DLGAP2: variants seen among roughly 807,000 people sequenced by gnomAD.
The protein encoded by DLGAP2 is disks large-associated protein 2.
DLGAP2 carries 26 observed loss-of-function variants against 100.3 expected under a neutral mutation model. The ratio of observed to expected loss-of-function variants is 0.26; its 90% CI spans 0.19 to 0.36. The LOEUF (loss-of-function observed/expected upper bound fraction) is 0.36. Ranked by LOEUF, DLGAP2 falls within the 10% of genes least tolerant of loss-of-function variation. The pLI, the probability that DLGAP2 is intolerant of heterozygous loss-of-function variation, is 1.00. For missense variants in DLGAP2, 1,858 were observed against 1,453.2 expected (o/e 1.28, Z -4.53); for synonymous variants, 886 against 630.1 (o/e 1.41, Z -6.08).
At chr8:1,538,241 C>T (rs1395245055) in intron 4 of DLGAP2, among the ~76,000 whole-genome samples, 1 of 152,154 alleles carries the variant, frequency 6.6e-6, no homozygotes, top group Non-Finnish European at 1.5e-5. Flanking sequence ...TATCTGCATC[C>T]ACCCAAATAC....
intron 1 of DLGAP2, among the ~76,000 whole-genome samples, chr8:858,868 C>T (rs941876383): frequency 2.6e-5 from 4 of 152,126 alleles, no homozygotes; most frequent in Admixed American, 2.6e-4. Flanking sequence ...GAGTAGCCCT[C>T]GTGTAATCAG....
intron 8 of DLGAP2, among the ~76,000 whole-genome samples, chr8:1,639,235 CCA>C (rs1797840455): frequency 6.6e-6 from 1 of 152,060 alleles, no homozygotes; most frequent in South Asian, 2.1e-4. Flanking sequence ...AGACCAGAGC[CCA>C]CAGCGTCAGC....
intron 2 of DLGAP2, among the ~76,000 whole-genome samples, chr8:921,788 GCT>G (rs773443392): frequency 1.4e-4 from 22 of 152,232 alleles, no homozygotes; most frequent in Non-Finnish European, 2.4e-4. Context: ...CCACGTCCTG[GCT>G]CTTCTGCTCT....
At position 1,175,099 on chromosome 8, in the gene DLGAP2, CT is replaced by C. The variant is rs549542242; in HGVS notation, c.74-83746del. On this transcript the variant is annotated intron_variant, in intron 2 of 14. Transcript: ENST00000637795. ...TTATTCTAGGATTCCCCTTCCCACA[CT>C]TTTTTGCTACCTTCTGTCTTCAGAT... Among the ~76,000 whole-genome samples the C allele has an allele frequency of 2.9e-4, 44 of 152,268 alleles. No individual in the cohort carries two copies. The South Asian group carries it at 3.1e-3, about 11-fold the overall frequency.
intron 3 of DLGAP2, among the ~76,000 whole-genome samples, chr8:1,287,962 GTTA>G (rs1799978544): frequency 1.4e-5 from 1 of 70,804 alleles, no homozygotes; most frequent in Non-Finnish European, 2.8e-5. Flanking sequence ...GTGTGTGGTT[GTTA>G]GGGGAACTAG....
chr8:1,451,843 C>T (rs1004830502), intron 3 of DLGAP2, among the ~76,000 whole-genome samples: 1 of 152,246 alleles, frequency 6.6e-6, no homozygotes, highest in Non-Finnish European at 1.5e-5. Flanking sequence ...TCGCTGCGAT[C>T]ATCACTAATG....
intron 2 of DLGAP2, among the ~76,000 whole-genome samples, chr8:1,216,337 T>C (rs1798212368): frequency 6.6e-6 from 1 of 152,070 alleles, no homozygotes; most frequent in African/African-American, 2.4e-5. Context: ...CTTCAGGGAC[T>C]CAGGCTCTGT....
intron 2 of DLGAP2, among the ~76,000 whole-genome samples, chr8:1,087,210 A>G (rs1804002883): frequency 6.6e-6 from 1 of 152,248 alleles, no homozygotes; most frequent in Non-Finnish European, 1.5e-5. Context: ...ACCGAAACAT[A>G]TGAGATGCAG....
At chr8:1,013,086 C>T (rs978521661) in intron 2 of DLGAP2, among the ~76,000 whole-genome samples, 3 of 152,162 alleles carry the variant, frequency 2.0e-5, no homozygotes, top group Admixed American at 6.5e-5. Context: ...CCCCTGGGCA[C>T]CTATGTTCTT....
chr8:1,630,862 A>G (rs2130777515), intron 7 of DLGAP2, among the ~76,000 whole-genome samples: 1 of 151,264 alleles, frequency 6.6e-6, no homozygotes, highest in South Asian at 2.1e-4. Flanking sequence ...GGTTTCCTGC[A>G]GCTCATGTCC....
At chr8:1,036,917 A>T (rs1303871085) in intron 2 of DLGAP2, among the ~76,000 whole-genome samples, 1 of 151,784 alleles carries the variant, frequency 6.6e-6, no homozygotes, top group Non-Finnish European at 1.5e-5. Context: ...AGAAGGTGTG[A>T]CCCCCTCCCG....
chr8:1,609,458 G>A (rs551569888), intron 6 of DLGAP2, among the ~76,000 whole-genome samples: 3 of 136,548 alleles, frequency 2.2e-5, no homozygotes, highest in South Asian at 2.5e-4. Flanking sequence ...AAAGACCATC[G>A]AGACTAGGAA....
chr8:1,095,269 G>A (rs1303656371), intron 2 of DLGAP2, among the ~76,000 whole-genome samples: 1 of 152,202 alleles, frequency 6.6e-6, no homozygotes, highest in African/African-American at 2.4e-5. Flanking sequence ...CCACGTTTGG[G>A]AAAGAACAGA....
chr8:760,708 C>T (rs569766186), intron 1 of DLGAP2, among the ~76,000 whole-genome samples: 1 of 152,272 alleles, frequency 6.6e-6, no homozygotes, highest in South Asian at 2.1e-4. Context: ...CAAAGGTGTG[C>T]ATGGGTGTCA....
intron 2 of DLGAP2, among the ~76,000 whole-genome samples, chr8:1,018,335 TTGA>T (rs1218152325): frequency 2.0e-5 from 3 of 152,224 alleles, no homozygotes; most frequent in African/African-American, 7.2e-5. Context: ...AGAAACTCAA[TTGA>T]TTTGACCACA....
rs757958450 is a variant in DLGAP2, at chr8:1,475,692, C to T, written c.107-25674C>T. On this transcript the variant is annotated intron_variant, in intron 3 of 14. Coordinates refer to ENST00000637795, the MANE Select transcript of DLGAP2 (RefSeq NM_001346810.2). ...AGCGGAGAGGAAGACAGAACCCTCG[C>T]GTGGTCCACGGCAGAACACGAGTGG... 4.6e-5 allele frequency among the ~76,000 whole-genome samples: 7 copies of T among 152,298 alleles called. No homozygotes were observed. The East Asian group carries it at 9.6e-4, about 21-fold the overall frequency.
intron 3 of DLGAP2, among the ~76,000 whole-genome samples, chr8:1,328,983 C>A (rs1044217690): frequency 1.3e-5 from 2 of 152,250 alleles, no homozygotes; most frequent in Admixed American, 6.5e-5. Flanking sequence ...GCGTGGAAGG[C>A]ACTTTTCAGC....
intron 2 of DLGAP2, among the ~76,000 whole-genome samples, chr8:1,069,682 G>A (rs909570271): frequency 5.9e-5 from 9 of 152,238 alleles, no homozygotes; most frequent in Middle Eastern, 3.4e-3. Flanking sequence ...TACTTAATAT[G>A]ATATTATAAT....
chr8:1,605,483 C>T (rs1383073255), intron 6 of DLGAP2, among the ~76,000 whole-genome samples: 1 of 152,144 alleles, frequency 6.6e-6, no homozygotes, highest in Non-Finnish European at 1.5e-5. Context: ...ATGCGTGAAT[C>T]CAGGGCTCTA....
Sources: allele counts gnomAD v4.1 joint callset (sites outside exome capture counted in the v4.1 genomes callset), GRCh38; gene constraint gnomAD v4.1.1; transcripts MANE v1.5; gene names NCBI Gene and HGNC (gene_info 2026-07-23, HGNC 2026-07-21).